The following FBXO38 variants were observed in gnomAD, a reference collection of about 807,000 sequenced individuals.
FBXO38 encodes F-box only protein 38.
FBXO38 carries 53 observed loss-of-function variants against 131.9 expected under a neutral mutation model. The ratio of observed to expected loss-of-function variants is 0.40; its 90% CI spans 0.32 to 0.51. FBXO38 has a LOEUF of 0.51. Among genes scored for constraint, FBXO38 ranks in the 20% least tolerant of loss-of-function variants. The probability of loss-of-function intolerance (pLI) is 0.53; values close to 1 mark genes in which losing one functional copy is unlikely to be tolerated. For missense variants in FBXO38, 1,076 were observed against 1,475.6 expected, an observed-to-expected ratio of 0.73 and a Z score of 4.44; for synonymous variants, 452 against 505.6, an observed-to-expected ratio of 0.89 and a Z score of 1.42.
intron 2 of FBXO38, among the ~76,000 whole-genome samples, chr5:148,398,487 G>C (rs1367141295): frequency 3.3e-5 from 5 of 151,572 alleles, no homozygotes; most frequent in African/African-American, 1.2e-4. Flanking sequence ...TATATGACTA[G>C]TATACATATT....
rs183163452 is a variant in FBXO38, at chr5:148,397,345, A to G, written c.129-1654A>G. Among the ~76,000 whole-genome samples, 206 of 152,278 alleles carry G rather than the reference A, an allele frequency of 1.4e-3. 1 individual carries two copies. Among genetic ancestry groups the G allele is most frequent in the Admixed American group, 2.9e-3 (44 of 15,280 alleles). Reference sequence around the variant, plus strand: ...CTACTTCTTAGGGAAAATATGATGTAAAATAATCTTGATTTTGTGATTATT... The same window carrying G: ...CTACTTCTTAGGGAAAATATGATGTGAAATAATCTTGATTTTGTGATTATT... On this transcript the variant is annotated intron_variant, in intron 2 of 21. Transcript: ENST00000340253.
intron 14 of FBXO38, among the ~76,000 whole-genome samples, chr5:148,426,679 T>C (rs1343641309): frequency 2.6e-5 from 4 of 152,198 alleles, no homozygotes; most frequent in African/African-American, 9.7e-5. Context: ...CCAGGTACTG[T>C]GTTAGGCACT....
At chr5:148,425,803 G>T in intron 14 of FBXO38, 102 bp downstream of exon 14, 2 of 984,188 alleles carry the variant, frequency 2.0e-6, no homozygotes, top group Non-Finnish European at 3.0e-6. Context: ...ATATATTACG[G>T]AATGTGACAG....
At chr5:148,406,768 C>T (rs1290839157) in intron 7 of FBXO38, among the ~76,000 whole-genome samples, 1 of 151,986 alleles carries the variant, frequency 6.6e-6, no homozygotes, top group Non-Finnish European at 1.5e-5. Flanking sequence ...AAAATTTAGG[C>T]ATTAATAATG....
intron 7 of FBXO38, among the ~76,000 whole-genome samples, chr5:148,408,070 G>A (rs10035818): frequency 0.42 from 63,787 of 151,964 alleles, 15,826 homozygotes; most frequent in African/African-American, 0.69. Flanking sequence ...AAAAATGGGA[G>A]AAGACTTGAA....
intron 6 of FBXO38, among the ~76,000 whole-genome samples, chr5:148,405,390 A>G (rs1413673717): frequency 6.6e-6 from 1 of 151,304 alleles, no homozygotes; most frequent in African/African-American, 2.4e-5. Context: ...TATCAAGACA[A>G]TTTTTCCTCT....
At chr5:148,402,710 A>C (rs943204393) in intron 5 of FBXO38, 197 bp downstream of exon 5, 3 of 449,282 alleles carry the variant, frequency 6.7e-6, no homozygotes, top group South Asian at 4.1e-5. Flanking sequence ...CTGCTTCACA[A>C]GTGTACATTC....
chr5:148,396,098 T>C (rs563407951), intron 2 of FBXO38, among the ~76,000 whole-genome samples: 1 of 152,334 alleles, frequency 6.6e-6, no homozygotes. Flanking sequence ...ATGTCATTAT[T>C]TCCTGCAGTT....
intron 15 of FBXO38, 57 bp from the exon 16 acceptor site, chr5:148,433,367 T>C: frequency 8.0e-7 from 1 of 1,246,424 alleles, no homozygotes; most frequent in East Asian, 2.3e-5. Flanking sequence ...TTGAATGTGC[T>C]TGAGGGAAAG....
At chr5:148,409,057 G>A in intron 7 of FBXO38, 67 bp from the exon 8 acceptor site, 3 of 839,566 alleles carry the variant, frequency 3.6e-6, no homozygotes, top group Non-Finnish European at 6.2e-6. Context: ...ACTTTATAAT[G>A]TATAGTATAT....
At chr5:148,411,673 G>A (rs1313134384) in intron 9 of FBXO38, among the ~76,000 whole-genome samples, 3 of 151,956 alleles carry the variant, frequency 2.0e-5, no homozygotes, top group African/African-American at 7.3e-5. Flanking sequence ...CATTAATATA[G>A]GTGATTACTT....
intron 10 of FBXO38, among the ~76,000 whole-genome samples, chr5:148,415,042 T>G (rs1163364307): frequency 6.6e-6 from 1 of 152,156 alleles, no homozygotes; most frequent in African/African-American, 2.4e-5. Flanking sequence ...CAGGCCTATT[T>G]TAGGGCTCTG....
intron 17 of FBXO38, among the ~76,000 whole-genome samples, chr5:148,435,217 T>C (rs953080019): frequency 4.6e-5 from 7 of 152,272 alleles, no homozygotes; most frequent in Non-Finnish European, 1.0e-4. Flanking sequence ...GGCCTTGCCC[T>C]GGGTTAGGCT....
At position 148,424,424 on chromosome 5, in the gene FBXO38, T is replaced by C. The variant is rs375481336; in HGVS notation, c.1738+307T>C. Among the ~76,000 whole-genome samples, 10 of 152,206 alleles carry C rather than the reference T, an allele frequency of 6.6e-5. No homozygotes were observed. The East Asian group carries it at 1.2e-3, about 18-fold the overall frequency. ...ATTGTTGATGGGAAAATAAATGACC[T>C]GATTAAATATTCTGCTATTGCCCTC... On this transcript the variant is annotated intron_variant, in intron 13 of 21. Transcript: ENST00000340253.
chr5:148,417,003 C>T lies in FBXO38; in HGVS notation c.1417C>T (p.Arg473Ter), dbSNP rs1172459945. 2 of 1,613,408 alleles carry T rather than the reference C, an allele frequency of 1.2e-6. No individual in the cohort carries two copies. Among genetic ancestry groups the T allele is most frequent in the Non-Finnish European group, 1.7e-6 (2 of 1,179,466 alleles). ...MFREPPKGCA[R>*]VGLSAGTGIG... ...TTTGGTTTTGCCTTAGGGTTGTGCT[C>T]GAGTTGGTCTGAGTGCAGGCACAGG... The change falls in exon 12 of 22, where the codon CGA (arginine) becomes TGA (stop). Residue 473 changes from arginine to a stop codon, truncating the protein, a stop_gained. Transcript: ENST00000340253. LOFTEE classifies it high-confidence loss of function.
chr5:148,399,640 C>T (rs1480348166), intron 3 of FBXO38: 3 of 152,616 alleles, frequency 2.0e-5, no homozygotes, highest in Non-Finnish European at 2.9e-5. Context: ...ACTGACCTTA[C>T]AGGTGAAGAA....
rs1752733156 is a variant in FBXO38 at position 148,411,232 on chromosome 5, C to T, written c.1093+467C>T. Among the ~76,000 whole-genome samples the T allele has an allele frequency of 2.0e-5, 3 of 152,248 alleles. No individual in the cohort carries two copies. The South Asian group carries it at 6.2e-4, about 32-fold the overall frequency. ...CTGGATTTTCCAGATAGTGTGAGCACATAATGGTCAGTATTCATTTAATGA... is the reference window on the plus strand; with the variant it reads ...CTGGATTTTCCAGATAGTGTGAGCATATAATGGTCAGTATTCATTTAATGA... On this transcript the variant is annotated intron_variant, in intron 9 of 21. Coordinates refer to ENST00000340253, the MANE Select transcript of FBXO38 (RefSeq NM_205836.3).
At chr5:148,415,469 A>G (rs1312562860) in intron 10 of FBXO38, 1 of 156,242 alleles carries the variant, frequency 6.4e-6, no homozygotes, top group African/African-American at 2.4e-5. Context: ...GCATTTAAAA[A>G]TGATTTATAT....
Position 148,427,210 on chromosome 5 carries a change from C to A in FBXO38, c.1919-3C>A. On this transcript the variant is annotated splice_region_variant and splice_polypyrimidine_tract_variant and intron_variant, in intron 14 of 21. Transcript: ENST00000340253. ...CGGGCCGTTCTTCTTTTTCTATAAG[C>A]AGTAAGTGGAAAAGGCAAGACTCCA... is the stretch of plus-strand genomic sequence containing the variant. 1 of 1,574,814 alleles carries A rather than the reference C, an allele frequency of 6.3e-7. No individual in the cohort carries two copies. Among genetic ancestry groups the A allele is most frequent in the South Asian group, 1.2e-5 (1 of 85,778 alleles).
Sources: allele counts gnomAD v4.1 joint callset (sites outside exome capture counted in the v4.1 genomes callset), GRCh38; gene constraint gnomAD v4.1.1; transcripts MANE v1.5; gene names NCBI Gene and HGNC (gene_info 2026-07-23, HGNC 2026-07-21).